ACSM3: variants seen among roughly 807,000 people sequenced by gnomAD.
ACSM3 encodes acyl-CoA synthetase medium chain family member 3, also known as acyl-coenzyme A synthetase ACSM3, mitochondrial.
In ACSM3, 61 loss-of-function variants were observed where a neutral mutation model predicts 74.1. The ratio of observed to expected loss-of-function variants is 0.82; its 90% CI spans 0.67 to 1.02. The LOEUF is 1.02. Ranked by LOEUF, ACSM3 falls within the 50% of genes least tolerant of loss-of-function variation. ACSM3 has a pLI of 0.00. For synonymous variants in ACSM3, 213 were observed against 241.5 expected (o/e 0.88, Z 1.09); for missense variants, 660 against 697.0 (o/e 0.95, Z 0.60).
chr16:20,721,811 C>T (rs1285444987), intron 1 of ACSM3: 4 of 152,160 alleles, frequency 2.6e-5, no homozygotes, highest in African/African-American at 7.2e-5. Flanking sequence ...TCAGCTGTAT[C>T]GTCAGCTGAT....
chr16:20,674,455 T>A (rs2020146566), upstream of ACSM3: 1 of 153,278 alleles, frequency 6.5e-6, no homozygotes, highest in East Asian at 2.0e-4. Context: ...CTCCCCCCTC[T>A]CCACCCCCAA....
chr16:20,691,033 T>C, intron 1 of ACSM3: 1 of 1,613,698 alleles, frequency 6.2e-7, no homozygotes. Context: ...GTACATAACT[T>C]GCAAAGTTAA....
chr16:20,696,938 T>C (rs756673024), intron 1 of ACSM3, among the ~76,000 whole-genome samples: 17 of 152,220 alleles, frequency 1.1e-4, no homozygotes, highest in Non-Finnish European at 1.6e-4. Context: ...AAGCGCACAG[T>C]AGTAATACCT....
chr16:20,757,561 T>C (rs1336395682), intron 3 of ACSM3, among the ~76,000 whole-genome samples: 5 of 150,592 alleles, frequency 3.3e-5, no homozygotes, highest in Non-Finnish European at 6.0e-5. Context: ...TTTCTAGATA[T>C]ACAATCATGT....
rs2080707050 is a variant in ACSM3 at position 20,795,655 on chromosome 16, TCC to T, written c.1555-714_1555-713del. Among the ~76,000 whole-genome samples the T allele has an allele frequency of 2.0e-5, 3 of 152,298 alleles. No homozygotes were observed. The South Asian group carries it at 6.2e-4, about 32-fold the overall frequency. On this transcript the variant is annotated intron_variant, in intron 12 of 13. Transcript: ENST00000289416. The stretch of plus-strand genomic sequence containing the variant: ...AACTGTGCCTACAGGGAAGCATCAT[TCC>T]ATAGCCAGCTCCGGGCTGGTAATCT...
At chr16:20,789,646 G>A in intron 9 of ACSM3, 3 of 900,276 alleles carry the variant, frequency 3.3e-6, no homozygotes, top group Non-Finnish European at 5.4e-6. Flanking sequence ...ATAAAAGCAG[G>A]TTGGCAAAAC....
intron 1 of ACSM3, among the ~76,000 whole-genome samples, chr16:20,708,678 G>A (rs564042869): frequency 6.6e-6 from 1 of 152,140 alleles, no homozygotes; most frequent in Non-Finnish European, 1.5e-5. Context: ...TATTGTTAAG[G>A]TGTCCATATT....
At chr16:20,747,075 TA>T (rs71377680) in intron 1 of ACSM3, among the ~76,000 whole-genome samples, 20,635 of 146,166 alleles carry the variant, frequency 0.14, 1,452 homozygotes, top group South Asian at 0.24. Context: ...GCAGGAGATA[TA>T]AAAAAAAAAA....
At chr16:20,680,361 G>C (rs543449778) in intron 1 of ACSM3, 27 of 152,268 alleles carry the variant, frequency 1.8e-4, no homozygotes, top group African/African-American at 6.5e-4. Flanking sequence ...ATAAGCATTT[G>C]GATAAGCCAG....
At chr16:20,741,392 C>A (rs1005534659) in intron 1 of ACSM3, 22 of 1,296,046 alleles carry the variant, frequency 1.7e-5, no homozygotes, top group Non-Finnish European at 2.2e-5. Context: ...CACGCCCCTA[C>A]AGCCGTCACG....
chr16:20,702,379 A>G (rs2079715019), intron 1 of ACSM3, among the ~76,000 whole-genome samples: 1 of 152,114 alleles, frequency 6.6e-6, no homozygotes, highest in African/African-American at 2.4e-5. Context: ...TGCCCGGCTA[A>G]TTTTTTGTAT....
At chr16:20,697,343 C>T (rs750610138) in intron 1 of ACSM3, among the ~76,000 whole-genome samples, 2 of 152,144 alleles carry the variant, frequency 1.3e-5, no homozygotes, top group African/African-American at 2.4e-5. Context: ...CTGTCTCCCA[C>T]GGCTCACCAC....
At chr16:20,786,521 A>G (rs749975483) in intron 9 of ACSM3, among the ~76,000 whole-genome samples, 32 of 151,974 alleles carry the variant, frequency 2.1e-4, no homozygotes, top group Non-Finnish European at 4.1e-4. Flanking sequence ...TCTCTACAAA[A>G]AAATATAAAA....
At chr16:20,675,209 G>C (rs1019267192) in intron 1 of ACSM3, among the ~76,000 whole-genome samples, 3 of 152,136 alleles carry the variant, frequency 2.0e-5, no homozygotes, top group African/African-American at 7.2e-5. Flanking sequence ...GCTCACCCGG[G>C]ACACGAGAGA....
intron 1 of ACSM3, chr16:20,734,907 G>A (rs1322296164): frequency 1.3e-5 from 2 of 152,188 alleles, no homozygotes. Flanking sequence ...AGAGACAAGG[G>A]TTCCTCATAG....
intron 1 of ACSM3, chr16:20,734,359 T>A (rs1313633907): frequency 6.6e-6 from 1 of 152,628 alleles, no homozygotes; most frequent in Admixed American, 6.5e-5. Flanking sequence ...ATAATCCTCT[T>A]ATCAATCATT....
chr16:20,686,001 C>T (rs1409873223), intron 1 of ACSM3, among the ~76,000 whole-genome samples: 1 of 152,022 alleles, frequency 6.6e-6, no homozygotes, highest in African/African-American at 2.4e-5. Flanking sequence ...TGCCTTAATT[C>T]CATATGGACT....
At chr16:20,732,434 G>A (rs760780250) in intron 1 of ACSM3, among the ~76,000 whole-genome samples, 69 of 152,044 alleles carry the variant, frequency 4.5e-4, no homozygotes, top group Admixed American at 3.9e-4. Flanking sequence ...TACAGTAGTC[G>A]TCTTATTTTG....
chr16:20,732,087 T>C (rs568436419), intron 1 of ACSM3, among the ~76,000 whole-genome samples: 1 of 152,272 alleles, frequency 6.6e-6, no homozygotes, highest in South Asian at 2.1e-4. Context: ...AATACCCATA[T>C]AAATTCAAAG....
Sources: allele counts gnomAD v4.1 joint callset (sites outside exome capture counted in the v4.1 genomes callset), GRCh38; gene constraint gnomAD v4.1.1; transcripts MANE v1.5; gene names NCBI Gene and HGNC (gene_info 2026-07-23, HGNC 2026-07-21).